OPCML: variants seen among roughly 807,000 people sequenced by gnomAD.
OPCML encodes the protein opioid-binding protein/cell adhesion molecule.
OPCML carries 13 observed loss-of-function variants against 37.8 expected under a neutral mutation model. That is an observed-to-expected ratio of 0.34 (90% CI 0.22 to 0.55). The LOEUF (loss-of-function observed/expected upper bound fraction) is 0.55. Among genes scored for constraint, OPCML ranks in the 20% least tolerant of loss-of-function variants. The probability of loss-of-function intolerance (pLI) is 0.91; values close to 1 mark genes in which losing one functional copy is unlikely to be tolerated. For synonymous variants in OPCML, 176 were observed against 168.8 expected, an observed-to-expected ratio of 1.04 and a Z score of -0.33; for missense variants, 341 against 435.6, an observed-to-expected ratio of 0.78 and a Z score of 1.93.
intron 2 of OPCML, among the ~76,000 whole-genome samples, chr11:132,790,018 C>G (rs537223682): frequency 6.6e-6 from 1 of 152,002 alleles, no homozygotes; most frequent in Non-Finnish European, 1.5e-5. Flanking sequence ...CATAAGTGTA[C>G]GAAAACAATA....
At chr11:132,425,086 G>A (rs1182299417) in intron 7 of OPCML, among the ~76,000 whole-genome samples, 1 of 152,122 alleles carries the variant, frequency 6.6e-6, no homozygotes, top group Non-Finnish European at 1.5e-5. Flanking sequence ...CGGGCCCCAA[G>A]CCAACCTTGG....
At chr11:132,470,032 A>G (rs1224224864) in intron 4 of OPCML, among the ~76,000 whole-genome samples, 1 of 152,050 alleles carries the variant, frequency 6.6e-6, no homozygotes. Context: ...CCAGTCCTGC[A>G]AGAGATGTTT....
At chr11:132,963,517 A>G (rs1186557559) in intron 1 of OPCML, among the ~76,000 whole-genome samples, 2 of 151,106 alleles carry the variant, frequency 1.3e-5, no homozygotes, top group African/African-American at 4.9e-5. Context: ...GCTTGAACCC[A>G]GGAGGCGGAG....
At chr11:133,326,908 T>G (rs1592204180) in intron 1 of OPCML, among the ~76,000 whole-genome samples, 1 of 105,508 alleles carries the variant, frequency 9.5e-6, no homozygotes, top group Non-Finnish European at 1.9e-5. Flanking sequence ...TGGGTGAGGG[T>G]GTGTGGGGCG....
At chr11:132,687,430 T>TATATA (rs1943214756) in intron 2 of OPCML, among the ~76,000 whole-genome samples, 1 of 99,006 alleles carries the variant, frequency 1.0e-5, no homozygotes, top group African/African-American at 4.0e-5. Flanking sequence ...ATATATATAT[T>TATATA]TAATCTGTAT....
chr11:132,784,370 G>A (rs1414274297), intron 2 of OPCML, among the ~76,000 whole-genome samples: 2 of 152,072 alleles, frequency 1.3e-5, no homozygotes, highest in South Asian at 2.1e-4. Flanking sequence ...TATCTAGTTA[G>A]CCCATCTACC....
intron 1 of OPCML, among the ~76,000 whole-genome samples, chr11:133,240,702 C>A (rs1161743347): frequency 6.6e-6 from 1 of 152,178 alleles, no homozygotes; most frequent in Non-Finnish European, 1.5e-5. Context: ...CTAAACCCTG[C>A]CTATATTTTC....
chr11:132,993,498 C>T (rs1213135783), intron 1 of OPCML, among the ~76,000 whole-genome samples: 1 of 152,154 alleles, frequency 6.6e-6, no homozygotes, highest in Non-Finnish European at 1.5e-5. Flanking sequence ...GTTGAGATGC[C>T]AGCAGGCGTG....
At chr11:132,800,949 T>C (rs996610252) in intron 2 of OPCML, among the ~76,000 whole-genome samples, 1 of 152,172 alleles carries the variant, frequency 6.6e-6, no homozygotes, top group African/African-American at 2.4e-5. Flanking sequence ...TTCCATTTTA[T>C]AAAAAAGCTT....
chr11:132,478,764 G>T (rs1379042519), intron 4 of OPCML, among the ~76,000 whole-genome samples: 3 of 152,104 alleles, frequency 2.0e-5, no homozygotes, highest in African/African-American at 7.2e-5. Context: ...AAGATTAACT[G>T]GTTTTGATTT....
At chr11:132,800,343 G>C (rs1471257114) in intron 2 of OPCML, among the ~76,000 whole-genome samples, 1 of 152,102 alleles carries the variant, frequency 6.6e-6, no homozygotes, top group Non-Finnish European at 1.5e-5. Context: ...ACAATGTCAT[G>C]TTATTTACAA....
chr11:133,055,357 C>A (rs1381476225), intron 1 of OPCML, among the ~76,000 whole-genome samples: 1 of 148,062 alleles, frequency 6.8e-6, no homozygotes. Context: ...CTCTACTGTA[C>A]AATGCTGCCT....
chr11:133,124,748 T>C (rs990489622), intron 1 of OPCML, among the ~76,000 whole-genome samples: 1 of 152,126 alleles, frequency 6.6e-6, no homozygotes, highest in Non-Finnish European at 1.5e-5. Flanking sequence ...CCTCAAAATA[T>C]TTTCCTCACC....
chr11:132,902,140 TC>T (rs1944085864), intron 2 of OPCML, among the ~76,000 whole-genome samples: 1 of 152,180 alleles, frequency 6.6e-6, no homozygotes, highest in African/African-American at 2.4e-5. Context: ...TAAATCAAGC[TC>T]GGGGTCCAGG....
chr11:132,966,084 G>C (rs1371836333), intron 1 of OPCML, among the ~76,000 whole-genome samples: 1 of 150,550 alleles, frequency 6.6e-6, no homozygotes, highest in Admixed American at 6.6e-5. Flanking sequence ...TTTAGCTTTA[G>C]TTTTCTATTT....
intron 1 of OPCML, among the ~76,000 whole-genome samples, chr11:133,293,566 T>G (rs1467391533): frequency 6.6e-6 from 1 of 152,104 alleles, no homozygotes; most frequent in Non-Finnish European, 1.5e-5. Flanking sequence ...ATCTGAGCCC[T>G]GCACGTGCCA....
intron 2 of OPCML, among the ~76,000 whole-genome samples, chr11:132,760,092 A>G (rs1357879815): frequency 5.3e-5 from 8 of 152,118 alleles, no homozygotes; most frequent in Non-Finnish European, 4.4e-5. Context: ...TTCAGTTTCT[A>G]TGTAGTTGTG....
chr11:133,413,245 G>A lies in OPCML; in HGVS notation c.61+119019C>T, dbSNP rs200128856. ...CGAGGGGTAGGAGTTGTTAAAATTAGCATATTCTCACTCATAGGTGGGAAT... is the reference window on the plus strand; with the variant it reads ...CGAGGGGTAGGAGTTGTTAAAATTAACATATTCTCACTCATAGGTGGGAAT... On this transcript the variant is annotated intron_variant, in intron 1 of 7. Coordinates refer to ENST00000524381, the MANE Select transcript of OPCML (RefSeq NM_001012393.5). 3.6e-4 allele frequency among the ~76,000 whole-genome samples: 54 copies of A among 150,870 alleles called. No homozygotes were observed. The East Asian group carries it at 7.5e-3, about 21-fold the overall frequency.
At chr11:132,904,783 G>A (rs1254963073) in intron 2 of OPCML, among the ~76,000 whole-genome samples, 1 of 152,182 alleles carries the variant, frequency 6.6e-6, no homozygotes, top group Non-Finnish European at 1.5e-5. Context: ...CCGCACCCTG[G>A]GCAGTCTGAG....
Sources: allele counts gnomAD v4.1 joint callset (sites outside exome capture counted in the v4.1 genomes callset), GRCh38; gene constraint gnomAD v4.1.1; transcripts MANE v1.5; gene names NCBI Gene and HGNC (gene_info 2026-07-23, HGNC 2026-07-21).